Variants in FAT2 observed in about 807,000 individuals in gnomAD.
FAT2 encodes protocadherin Fat 2.
Under a neutral mutation model 295.3 loss-of-function variants are expected in FAT2, and 150 were observed. The observed-to-expected ratio is 0.51, with a 90% confidence interval of 0.44 to 0.58. FAT2 has a LOEUF of 0.58. Among genes scored for constraint, FAT2 ranks in the 20% least tolerant of loss-of-function variants. The pLI, the probability that FAT2 is intolerant of heterozygous loss-of-function variation, is 0.00. For synonymous variants in FAT2, 2,026 were observed against 2,150.3 expected, an observed-to-expected ratio of 0.94 and a Z score of 1.60; for missense variants, 4,868 against 5,442.7, an observed-to-expected ratio of 0.89 and a Z score of 3.32.
chr5:151,530,255 A>G (rs955077770), intron 14 of FAT2, among the ~76,000 whole-genome samples: 10 of 152,058 alleles, frequency 6.6e-5, no homozygotes, highest in Non-Finnish European at 7.4e-5. Flanking sequence ...ACACCAGAAA[A>G]AAAAAAAAAA....
At chr5:151,579,540 C>A (rs1758865572) in intron 1 of FAT2, among the ~76,000 whole-genome samples, 1 of 152,126 alleles carries the variant, frequency 6.6e-6, no homozygotes, top group African/African-American at 2.4e-5. Context: ...CCACTGCACT[C>A]CAGCCTGGGT....
intron 3 of FAT2, among the ~76,000 whole-genome samples, chr5:151,557,871 G>A (rs1231420293): frequency 2.0e-5 from 3 of 152,082 alleles, no homozygotes; most frequent in African/African-American, 4.8e-5. Flanking sequence ...CAGGAAGGAC[G>A]CTACCTCCTG....
rs1761071447 is a variant in FAT2, at chr5:151,508,575, TG to T, written c.12060-965del. On this transcript the variant is annotated intron_variant, in intron 22 of 23. Coordinates refer to ENST00000261800, the MANE Select transcript of FAT2 (RefSeq NM_001447.3). ...AAATACAAAAATTAGCCAGGTGTTA[TG>T]GCACATGCCTGTAATCCCAGCTACT... is the stretch of plus-strand genomic sequence containing the variant. Among the ~76,000 whole-genome samples, 3 of 152,274 alleles carry T rather than the reference TG, an allele frequency of 2.0e-5. No homozygotes were observed. In the South Asian group the frequency reaches 6.2e-4, roughly 32 times the overall value.
In FAT2 at chr5:151,546,241, G is replaced by A. The variant is rs756734531; in HGVS notation, c.4886C>T (p.Thr1629Ile). The A allele has an allele frequency of 1.9e-6, 3 of 1,614,032 alleles. No individual in the cohort carries two copies. The highest frequency in any genetic ancestry group is 2.7e-5 in the African/African-American group (2 of 74,938). Residue 1629 changes from threonine to isoleucine, a missense_variant, in exon 10 of 24, where the codon ACA becomes ATA. Coordinates refer to ENST00000261800, the MANE Select transcript of FAT2 (RefSeq NM_001447.3). Reference protein sequence around the residue: ...DQANHAPHTLTVKAEDQGSPQ... With the variant: ...DQANHAPHTLIVKAEDQGSPQ... ...GGAGCCTTGATCTTCTGCCTTCACT[G>A]TCAGAGTATGTGGGGCATGATTTGC...
chr5:151,591,828 G>T (rs765126252), upstream of FAT2, among the ~76,000 whole-genome samples: 2 of 152,168 alleles, frequency 1.3e-5, no homozygotes, highest in Non-Finnish European at 2.9e-5. Context: ...GATAATAATA[G>T]CTCCTACCTC....
At position 151,568,448 on chromosome 5, in the gene FAT2, G is replaced by T. The variant is rs199825513; in HGVS notation, c.484C>A (p.Pro162Thr). The change falls in exon 2 of 24, where the codon CCC becomes ACC. Residue 162 changes from proline (P) to threonine (T), a missense_variant. Transcript: ENST00000261800. ...SYRVTISEDM[P>T]LKSPICKVTA... ...ACCTTGCAGATGGGGCTCTTCAGGG[G>T]CATGTCCTCAGAGATGGTGACTCTG... 4 of 1,614,212 alleles carry T rather than the reference G, an allele frequency of 2.5e-6. No homozygotes were observed.
rs533402052 is a variant in FAT2, at chr5:151,553,458, G to A, written c.3946-71C>T. The A allele has an allele frequency of 9.6e-5, 129 of 1,337,882 alleles. No homozygotes were observed. In the African/African-American group the frequency reaches 1.7e-3, roughly 17 times the overall value. 82.9% of individuals were successfully genotyped at this position (1,337,882 alleles called of 1,614,324 possible). ...AGGAAGACCCAAGCAGCCAGGACAG[G>A]AACCAGAGCGTCCTGTGATTCTGAC... On this transcript the variant is annotated intron_variant, in intron 5 of 23. Coordinates refer to ENST00000261800, the MANE Select transcript of FAT2 (RefSeq NM_001447.3).
rs754959218 is a variant in FAT2 at position 151,546,212 on chromosome 5, G to T, written c.4915C>A (p.Gln1639Lys). The T allele has an allele frequency of 1.9e-6, 3 of 1,614,188 alleles. No homozygotes were observed. The highest frequency in any genetic ancestry group is 2.5e-6 in the Non-Finnish European group (3 of 1,180,028). The change falls in exon 10 of 24, where the codon CAA becomes AAA. Residue 1639 changes from glutamine (Q) to lysine (K), a missense_variant. Gln to Lys is a moderately conservative substitution (Grantham distance 53). This residue lies in a region of FAT2 where 3,297 missense variants were observed against 3,669.4 expected (regional missense o/e 0.90). Coordinates refer to ENST00000261800, the MANE Select transcript of FAT2 (RefSeq NM_001447.3). ...TVKAEDQGSP[Q>K]WHDLATVIIH... is the part of the protein sequence containing the mutation. The stretch of plus-strand genomic sequence containing the variant: ...ATCACTGTAGCCAGGTCATGCCATT[G>T]TGGGGAGCCTTGATCTTCTGCCTTC...
chr5:151,561,288 C>T (rs1179462431), intron 3 of FAT2, among the ~76,000 whole-genome samples: 1 of 152,116 alleles, frequency 6.6e-6, no homozygotes, highest in East Asian at 1.9e-4. Context: ...GTGACTGGAA[C>T]ATGGGGAGGG....
In FAT2 at chr5:151,522,042, G is replaced by A. The variant is rs780565894; in HGVS notation, c.10551C>T (p.Val3517=). The part of the protein sequence containing the change: ...GIPPLSSLTS[V]RVHVTEQSHY... Reference sequence around the variant, plus strand: ...GGCTCTGCTCTGTGACATGGACACGGACAGACGTCAAAGACGAGAGGGGAG... The same window carrying A: ...GGCTCTGCTCTGTGACATGGACACGAACAGACGTCAAAGACGAGAGGGGAG... Residue 3517 remains valine, a synonymous_variant, in exon 19 of 24, where the codon GTC becomes GTT. Coordinates refer to ENST00000261800, the MANE Select transcript of FAT2 (RefSeq NM_001447.3). 6.2e-7 allele frequency: 1 copy of A among 1,607,686 alleles called. No homozygotes were observed. The highest frequency in any genetic ancestry group is 8.5e-7 in the Non-Finnish European group (1 of 1,174,770).
Position 151,529,269 on chromosome 5 carries a change from G to A in FAT2, c.9935C>T (p.Thr3312Ile), listed in dbSNP as rs1754343343. Residue 3312 changes from threonine to isoleucine, a missense_variant, in exon 15 of 24, where the codon ACT becomes ATT. Thr to Ile is a moderately conservative substitution (Grantham distance 89). Coordinates refer to ENST00000261800, the MANE Select transcript of FAT2 (RefSeq NM_001447.3). ...TTGGGGCCGGTGTTCATTGACATCA[G>A]TGATGTTGACCATGACTGTGGTCAC... ...SDVTTVMVNI[T>I]DVNEHRPQFP... 6.2e-7 allele frequency: 1 copy of A among 1,614,010 alleles called. No individual in the cohort carries two copies. Among genetic ancestry groups the A allele is most frequent in the African/African-American group, 1.3e-5 (1 of 74,900 alleles).
At chr5:151,533,281 C>T (rs367622461) in intron 13 of FAT2, among the ~76,000 whole-genome samples, 20 of 152,018 alleles carry the variant, frequency 1.3e-4, no homozygotes, top group East Asian at 7.7e-4. Flanking sequence ...TAGATGGAGA[C>T]GTAAATAAGA....
intron 1 of FAT2, among the ~76,000 whole-genome samples, chr5:151,584,756 G>A (rs926028055): frequency 6.6e-6 from 1 of 152,178 alleles, no homozygotes; most frequent in African/African-American, 2.4e-5. Flanking sequence ...CCTTGTCCAA[G>A]GTCAATGGCC....
At chr5:151,546,416 C>T in intron 9 of FAT2, 79 bp from the exon 10 acceptor site, 1 of 1,104,928 alleles carries the variant, frequency 9.1e-7, no homozygotes, top group Non-Finnish European at 1.3e-6. Context: ...AGTAAAGGGT[C>T]TATCACACAA....
intron 1 of FAT2, among the ~76,000 whole-genome samples, chr5:151,573,851 T>C (rs1269043309): frequency 1.3e-5 from 2 of 152,144 alleles, no homozygotes. Flanking sequence ...AGTTGTAACA[T>C]TCATGTCTTT....
At chr5:151,539,122 A>T (rs1300334920) in intron 11 of FAT2, among the ~76,000 whole-genome samples, 2 of 152,114 alleles carry the variant, frequency 1.3e-5, no homozygotes, top group African/African-American at 4.8e-5. Flanking sequence ...GGCTGAGGGA[A>T]AAGAGAAGGA....
At chr5:151,509,669 C>T (rs1328131558) in intron 22 of FAT2, 1 of 228,756 alleles carries the variant, frequency 4.4e-6, no homozygotes, top group Non-Finnish European at 8.7e-6. Flanking sequence ...TGCAGGAAAA[C>T]AAGCTCAGGG....
In FAT2 at chr5:151,505,485, A is replaced by G. The variant is rs1312165388; in HGVS notation, c.*80T>C. The stretch of plus-strand genomic sequence containing the variant: ...CCTCCCACTCTCCCAGCCACACTCA[A>G]CTCACCCCCTACGAGACAGGAAGAA... On this transcript the variant is annotated 3_prime_UTR_variant, in exon 24 of 24. Coordinates refer to ENST00000261800, the MANE Select transcript of FAT2 (RefSeq NM_001447.3). 6.4e-7 allele frequency: 1 copy of G among 1,556,714 alleles called. No individual in the cohort carries two copies. The highest frequency in any genetic ancestry group is 8.7e-7 in the Non-Finnish European group (1 of 1,142,956).
chr5:151,511,458 A>T (rs1008492410), intron 21 of FAT2: 1 of 152,312 alleles, frequency 6.6e-6, no homozygotes. Flanking sequence ...TGAGCCTGTG[A>T]CTTCCACCCC....
Sources: gnomAD v4.1 joint callset for allele counts (sites outside exome capture counted in the v4.1 genomes callset) on GRCh38, gnomAD v4.1.1 for gene constraint, gnomAD v4.1.1 regional missense constraint, MANE v1.5 for transcripts, NCBI Gene and HGNC (gene_info 2026-07-23, HGNC 2026-07-21) for gene names.